The following WAPL variants were observed in gnomAD, a reference collection of about 807,000 sequenced individuals.
WAPL encodes wings apart-like protein homolog.
Under a neutral mutation model 121.0 loss-of-function variants are expected in WAPL, and 5 were observed. The observed-to-expected ratio is 0.04, with a 90% CI of 0.02 to 0.09. The LOEUF is 0.09. Among genes scored for constraint, WAPL ranks in the 10% least tolerant of loss-of-function variants. The pLI is 1.00. For synonymous variants in WAPL, 480 were observed against 481.5 expected (o/e 1.00, Z 0.04); for missense variants, 999 against 1,410.8 (o/e 0.71, Z 4.68).
chr10:86,453,312 C>A lies in WAPL; in HGVS notation c.2857G>T (p.Glu953Ter). Residue 953 changes from glutamate (E) to a stop codon, truncating the protein, a stop_gained, in exon 14 of 19, where the codon GAG becomes TAG. Transcript: ENST00000298767. LOFTEE classifies it high-confidence loss of function. Reference protein sequence around the residue: ...DNEWGSTKTGEQDGLIGTALN... With the variant: ...DNEWGSTKTG ...GCTGTGCCTATGAGACCGTCCTGCTCTCCTGTTTTGGTGCTGCCCCACTCT... is the reference window on the plus strand; with the variant it reads ...GCTGTGCCTATGAGACCGTCCTGCTATCCTGTTTTGGTGCTGCCCCACTCT... The A allele has an allele frequency of 6.2e-7, 1 of 1,614,134 alleles. No homozygotes were observed. The highest frequency in any genetic ancestry group is 1.1e-5 in the South Asian group (1 of 91,078).
rs778429997 is a variant in WAPL, at chr10:86,500,215, C to A, written c.1028G>T (p.Ser343Ile). The A allele has an allele frequency of 6.2e-7, 1 of 1,614,200 alleles. No individual in the cohort carries two copies. The highest frequency in any genetic ancestry group is 8.5e-7 in the Non-Finnish European group (1 of 1,180,028). ...GLNQAKKGGV[S>I]CGTSFRGTVG... ...TGTCCCTCTAAAACTGGTCCCACAA[C>A]TTACACCCCCTTTCTTTGCCTGATT... Residue 343 changes from serine to isoleucine, a missense_variant, in exon 3 of 19, where the codon AGT (serine) becomes ATT (isoleucine). This residue lies in a region of WAPL where 531 missense variants were observed against 563.1 expected (regional missense o/e 0.94). Coordinates refer to ENST00000298767, the MANE Select transcript of WAPL (RefSeq NM_015045.5).
At chr10:86,505,184 T>G (rs1001744432) in intron 2 of WAPL, among the ~76,000 whole-genome samples, 1 of 31,788 alleles carries the variant, frequency 3.1e-5, no homozygotes, top group Non-Finnish European at 1.0e-4. Context: ...AGACAGGATT[T>G]TTTTATGTTT....
chr10:86,476,509 T>G (rs1181461636), intron 4 of WAPL, among the ~76,000 whole-genome samples: 1 of 152,000 alleles, frequency 6.6e-6, no homozygotes, highest in African/African-American at 2.4e-5. Flanking sequence ...GCCAACAGGA[T>G]GAAACCCCGT....
At chr10:86,485,411 C>A (rs557793334) in intron 4 of WAPL, among the ~76,000 whole-genome samples, 1 of 151,992 alleles carries the variant, frequency 6.6e-6, no homozygotes, top group Non-Finnish European at 1.5e-5. Context: ...GTGGCACCCA[C>A]CTGTAGTCCC....
At chr10:86,440,552 G>C (rs1356703828) in intron 17 of WAPL, among the ~76,000 whole-genome samples, 5 of 152,016 alleles carry the variant, frequency 3.3e-5, no homozygotes, top group African/African-American at 1.2e-4. Flanking sequence ...GCCCACCTTG[G>C]CCTCCCAAAG....
intron 8 of WAPL, among the ~76,000 whole-genome samples, chr10:86,468,932 C>A (rs753659447): frequency 1.3e-5 from 2 of 151,980 alleles, no homozygotes; most frequent in Non-Finnish European, 2.9e-5. Flanking sequence ...GAAACCCTGT[C>A]TCTACTAAAA....
chr10:86,459,344 A>C (rs1841219199), intron 11 of WAPL, among the ~76,000 whole-genome samples: 1 of 152,254 alleles, frequency 6.6e-6, no homozygotes, highest in Non-Finnish European at 1.5e-5. Context: ...GAATGTCAGA[A>C]TAGAGCAGTC....
At chr10:86,513,160 A>G (rs1389606102) in intron 2 of WAPL, among the ~76,000 whole-genome samples, 1 of 151,514 alleles carries the variant, frequency 6.6e-6, no homozygotes, top group Non-Finnish European at 1.5e-5. Flanking sequence ...AATTTCCGCT[A>G]ATTTTTTTGT....
rs10887613 is a variant in WAPL at position 86,470,064 on chromosome 10, G to T, written c.2142+928C>A. Reference sequence around the variant, plus strand: ...TTTTTTTTTTTTGAGACAGAGTCTCGCTCTGTCTCCCAGGCTGGAGTGCAG... The same window carrying T: ...TTTTTTTTTTTTGAGACAGAGTCTCTCTCTGTCTCCCAGGCTGGAGTGCAG... On this transcript the variant is annotated intron_variant, in intron 8 of 18. Transcript: ENST00000298767. Among the ~76,000 whole-genome samples, 21 of 150,796 alleles carry T rather than the reference G, an allele frequency of 1.4e-4. 1 individual carries two copies. The highest frequency in any genetic ancestry group is 2.8e-4 in the Non-Finnish European group (19 of 67,724).
At chr10:86,459,121 G>T (rs1275676873) in intron 11 of WAPL, 56 bp from the exon 12 acceptor site, 1 of 1,362,572 alleles carries the variant, frequency 7.3e-7, no homozygotes, top group Admixed American at 1.9e-5. Context: ...ATTCATTCAT[G>T]TAACACCACA....
chr10:86,474,546 G>A lies in WAPL; in HGVS notation c.1645-573C>T, dbSNP rs560993877. ...AAAAAAAAAGGTAAACCTCTTGCTA[G>A]GCTTACTAAGTAATCAACACATTTA... is the stretch of plus-strand genomic sequence containing the variant. On this transcript the variant is annotated intron_variant, in intron 4 of 18. Transcript: ENST00000298767. 3.4e-5 allele frequency among the ~76,000 whole-genome samples: 5 copies of A among 148,454 alleles called. No individual in the cohort carries two copies. In the East Asian group the frequency reaches 1.0e-3, roughly 30 times the overall value.
Position 86,446,454 on chromosome 10 carries a change from T to A in WAPL, c.3115-5A>T, listed in dbSNP as rs759190731. 1 of 1,612,088 alleles carries A rather than the reference T, an allele frequency of 6.2e-7. No individual in the cohort carries two copies. The highest frequency in any genetic ancestry group is 1.1e-5 in the South Asian group (1 of 90,824). On this transcript the variant is annotated splice_region_variant and splice_polypyrimidine_tract_variant and intron_variant, in intron 15 of 18. Transcript: ENST00000298767. ...CCGCTCTCGCTCAAGGAATAGCTGA[T>A]AAAAATTATTTTTGAAGATCATTAA...
At chr10:86,462,721 C>CA (rs59998538) in intron 9 of WAPL, among the ~76,000 whole-genome samples, 15,015 of 80,470 alleles carry the variant, frequency 0.19, 2,042 homozygotes, top group East Asian at 0.47. Context: ...GATCCCGTCT[C>CA]AAAAAAAAAA....
intron 10 of WAPL, 75 bp downstream of exon 10, chr10:86,461,101 T>C (rs914658462): frequency 8.2e-6 from 9 of 1,099,048 alleles, no homozygotes; most frequent in Middle Eastern, 2.3e-4. Flanking sequence ...CAATTATTTT[T>C]TGAAGTACGT....
intron 8 of WAPL, among the ~76,000 whole-genome samples, chr10:86,469,254 T>TAAATCAGCACACTCTAC (rs1564571374): frequency 0.59 from 2,253 of 3,840 alleles, 584 homozygotes; most frequent in African/African-American, 0.68. Context: ...TTTTTTTTTT[T>TAAATCAGCACACTCTAC]TTTTTTTTTT....
intron 4 of WAPL, among the ~76,000 whole-genome samples, chr10:86,479,838 T>C (rs529545486): frequency 1.3e-3 from 205 of 152,280 alleles, no homozygotes; most frequent in Non-Finnish European, 2.2e-3. Context: ...AATTTGGATC[T>C]GGATTGTCAA....
At chr10:86,506,606 A>G (rs1180957269) in intron 2 of WAPL, among the ~76,000 whole-genome samples, 1 of 152,086 alleles carries the variant, frequency 6.6e-6, no homozygotes, top group African/African-American at 2.4e-5. Context: ...TAGGCAACAA[A>G]GCAAGACTCT....
intron 12 of WAPL, among the ~76,000 whole-genome samples, chr10:86,456,126 AAGTC>A (rs916892333): frequency 3.9e-5 from 6 of 152,308 alleles, no homozygotes; most frequent in African/African-American, 1.4e-4. Flanking sequence ...CAATAAAACA[AAGTC>A]AGAGTGTCTT....
chr10:86,494,216 T>C (rs1842106371), intron 4 of WAPL, among the ~76,000 whole-genome samples: 1 of 152,194 alleles, frequency 6.6e-6, no homozygotes. Context: ...TTTTATTAAA[T>C]CTCTATCCCT....
Sources: gnomAD v4.1 joint callset for allele counts (sites outside exome capture counted in the v4.1 genomes callset) on GRCh38, gnomAD v4.1.1 for gene constraint, gnomAD v4.1.1 regional missense constraint, MANE v1.5 for transcripts, NCBI Gene and HGNC (gene_info 2026-07-23, HGNC 2026-07-21) for gene names.